ATP6V0D1: variants seen among roughly 807,000 people sequenced by gnomAD.
ATP6V0D1 encodes the protein V-type proton ATPase subunit d 1.
ATP6V0D1 carries 13 observed loss-of-function variants against 39.0 expected under a neutral mutation model. The ratio of observed to expected loss-of-function variants is 0.33; its 90% CI spans 0.22 to 0.53. The LOEUF is 0.53. Ranked by LOEUF, ATP6V0D1 falls within the 20% of genes least tolerant of loss-of-function variation. ATP6V0D1 has a pLI of 0.94. For missense variants in ATP6V0D1, 272 were observed against 470.9 expected (o/e 0.58, Z 3.91); for synonymous variants, 191 against 191.2 (o/e 1.00, Z 0.01).
chr16:67,477,025 TAAA>T (rs199765066), intron 1 of ATP6V0D1, among the ~76,000 whole-genome samples: 2 of 40,224 alleles, frequency 5.0e-5, no homozygotes, highest in African/African-American at 7.2e-5. Context: ...TGTCTCAAAT[TAAA>T]AAAAAAAAAA....
intron 1 of ATP6V0D1, among the ~76,000 whole-genome samples, chr16:67,467,333 C>T (rs1011716417): frequency 1.3e-5 from 2 of 152,118 alleles, no homozygotes; most frequent in Admixed American, 6.5e-5. Flanking sequence ...CGTGAAACCC[C>T]GTCTCTACTA....
At position 67,438,957 on chromosome 16, in the gene ATP6V0D1, G is replaced by A; in HGVS notation, c.816+14C>T. 1 of 1,613,520 alleles carries A rather than the reference G, an allele frequency of 6.2e-7. No individual in the cohort carries two copies. The highest frequency in any genetic ancestry group is 1.1e-5 in the South Asian group (1 of 91,084). ...AACACATCCAACCGCTGTCCTGCCA[G>A]CCGGGGCACTCACCGGGTAGTAATC... On this transcript the variant is annotated intron_variant, in intron 6 of 7. Coordinates refer to ENST00000290949, the MANE Select transcript of ATP6V0D1 (RefSeq NM_004691.5).
chr16:67,442,269 T>C (rs1291493544), intron 4 of ATP6V0D1, among the ~76,000 whole-genome samples: 5 of 152,158 alleles, frequency 3.3e-5, no homozygotes, highest in Admixed American at 1.3e-4. Context: ...TCTCACCCAA[T>C]AGACAGGTGA....
At chr16:67,472,985 T>C (rs2041386196) in intron 1 of ATP6V0D1, among the ~76,000 whole-genome samples, 1 of 152,202 alleles carries the variant, frequency 6.6e-6, no homozygotes, top group Admixed American at 6.5e-5. Flanking sequence ...TTTTTTACCA[T>C]AACTTTCATC....
intron 2 of ATP6V0D1, among the ~76,000 whole-genome samples, chr16:67,445,225 G>A (rs1597570057): frequency 6.6e-6 from 1 of 152,198 alleles, no homozygotes; most frequent in Non-Finnish European, 1.5e-5. Context: ...GAAAGGCGCA[G>A]CAGCCGGCAG....
chr16:67,453,518 A>G lies in ATP6V0D1; in HGVS notation c.302+26T>C. The G allele has an allele frequency of 1.2e-6, 2 of 1,612,244 alleles. No homozygotes were observed. Among genetic ancestry groups the G allele is most frequent in the South Asian group, 2.2e-5 (2 of 90,922 alleles). On this transcript the variant is annotated intron_variant, in intron 2 of 7. Transcript: ENST00000290949. The surrounding 1 kb of genome is among the most constrained non-coding windows in gnomAD (Gnocchi z 4.1). ...TGTAGCTATCCTGCCCAGGTAAGAGAAGAAGGCGCTACAAAGCACACTCAC... is the reference window on the plus strand; with the variant it reads ...TGTAGCTATCCTGCCCAGGTAAGAGGAGAAGGCGCTACAAAGCACACTCAC...
chr16:67,462,734 G>A (rs1162480325), intron 1 of ATP6V0D1, among the ~76,000 whole-genome samples: 1 of 152,058 alleles, frequency 6.6e-6, no homozygotes, highest in Non-Finnish European at 1.5e-5. Context: ...AGGCTAAGGT[G>A]GGAGGATGGC....
chr16:67,453,302 G>A lies in ATP6V0D1; in HGVS notation c.302+242C>T, dbSNP rs549698536. Among the ~76,000 whole-genome samples the A allele has an allele frequency of 3.3e-5, 5 of 152,332 alleles. No individual in the cohort carries two copies. The highest frequency in any genetic ancestry group is 1.9e-4 in the East Asian group (1 of 5,186). On this transcript the variant is annotated intron_variant, in intron 2 of 7. Transcript: ENST00000290949. The surrounding 1 kb of genome is among the most constrained non-coding windows in gnomAD (Gnocchi z 4.1). ...ATCATATCTTCAGCCAGTAGTGAAC[G>A]TGCTGGTGACCCATTTCATAGGTGG...
chr16:67,438,928 T>G, intron 6 of ATP6V0D1, 43 bp downstream of exon 6: 1 of 1,613,412 alleles, frequency 6.2e-7, no homozygotes, highest in Non-Finnish European at 8.5e-7. Context: ...GGGTGCTTGG[T>G]GACAACACAT....
chr16:67,442,757 G>A (rs948082586), intron 4 of ATP6V0D1, among the ~76,000 whole-genome samples: 1 of 152,210 alleles, frequency 6.6e-6, no homozygotes, highest in Non-Finnish European at 1.5e-5. Context: ...CAATAGCTTA[G>A]GTAGGGCGGT....
At chr16:67,466,335 A>G (rs2041329903) in intron 1 of ATP6V0D1, among the ~76,000 whole-genome samples, 1 of 116,680 alleles carries the variant, frequency 8.6e-6, no homozygotes, top group Non-Finnish European at 1.7e-5. Context: ...ATACACACAC[A>G]CACACACACA....
At chr16:67,467,485 C>A (rs1375277094) in intron 1 of ATP6V0D1, among the ~76,000 whole-genome samples, 1 of 151,576 alleles carries the variant, frequency 6.6e-6, no homozygotes, top group Non-Finnish European at 1.5e-5. Flanking sequence ...AGCCTGGCAA[C>A]AGAGTGAGAC....
chr16:67,459,375 C>G (rs1489476361), intron 1 of ATP6V0D1: 5 of 612,366 alleles, frequency 8.2e-6, no homozygotes, highest in Non-Finnish European at 8.2e-6. Flanking sequence ...CTGGCTCCAG[C>G]AGGGGCAGCT....
chr16:67,439,358 A>G lies in ATP6V0D1; in HGVS notation c.562-7T>C. On this transcript the variant is annotated splice_region_variant and splice_polypyrimidine_tract_variant and intron_variant, in intron 4 of 7. Coordinates refer to ENST00000290949, the MANE Select transcript of ATP6V0D1 (RefSeq NM_004691.5). Reference sequence around the variant, plus strand: ...AGAAGGACTCCAGGTAGGCCTGTAGAGAGTATGGAGCTTGCTCAGCACAGG... The same window carrying G: ...AGAAGGACTCCAGGTAGGCCTGTAGGGAGTATGGAGCTTGCTCAGCACAGG... 10 of 1,613,882 alleles carry G rather than the reference A, an allele frequency of 6.2e-6. No homozygotes were observed. The highest frequency in any genetic ancestry group is 8.5e-6 in the Non-Finnish European group (10 of 1,179,950).
chr16:67,443,992 A>C (rs1410435838), intron 3 of ATP6V0D1, among the ~76,000 whole-genome samples: 1 of 152,246 alleles, frequency 6.6e-6, no homozygotes, highest in East Asian at 1.9e-4. Flanking sequence ...GCACTGCCTA[A>C]GCAGGGCTCT....
chr16:67,478,374 A>G (rs945411057), intron 1 of ATP6V0D1, among the ~76,000 whole-genome samples: 32 of 152,264 alleles, frequency 2.1e-4, no homozygotes, highest in Non-Finnish European at 2.2e-4. Flanking sequence ...GTACTTTGGG[A>G]GGCCAAGGTG....
In ATP6V0D1 at chr16:67,481,101, C is replaced by T. The variant is rs1289210270; in HGVS notation, c.-15G>A. 4 of 1,613,520 alleles carry T rather than the reference C, an allele frequency of 2.5e-6. No individual in the cohort carries two copies. The highest frequency in any genetic ancestry group is 3.4e-6 in the Non-Finnish European group (4 of 1,179,614). On this transcript the variant is annotated 5_prime_UTR_variant, in exon 1 of 8. Transcript: ENST00000290949. The stretch of plus-strand genomic sequence containing the variant: ...AAGAACGACATGGCTGCTGCGGGAG[C>T]GGCGGGACCGGAGAACCAGGACCGG...
rs35261032 is a variant in ATP6V0D1 at position 67,480,940 on chromosome 16, T to C, written c.130+17A>G. The C allele has an allele frequency of 2.1e-3, 3,450 of 1,613,406 alleles. 68 individuals carry two copies. The African/African-American group carries it at 0.041, about 19-fold the overall frequency. ...CCCGGACAGCCTCTATCCCCGCCTTTCGCGGCCCCGGCTCACCCTCTAGCG... is the reference window on the plus strand; with the variant it reads ...CCCGGACAGCCTCTATCCCCGCCTTCCGCGGCCCCGGCTCACCCTCTAGCG... On this transcript the variant is annotated intron_variant, in intron 1 of 7. Transcript: ENST00000290949.
In ATP6V0D1 at chr16:67,444,580, A is replaced by G. The variant is rs1348125019; in HGVS notation, c.429T>C (p.Ile143=). ...GSFEQMEAVN[I]AQTPAELYNA... ...TGTAGAGCTCAGCAGGTGTCTGAGC[A>G]ATGTTCACGGCCTCCATCTGCTCGA... is the stretch of plus-strand genomic sequence containing the variant. The change falls in exon 3 of 8, where the codon ATT becomes ATC. Residue 143 remains isoleucine, a synonymous_variant. Transcript: ENST00000290949. This position sits in a 1 kb window ranked among gnomAD's most constrained non-coding sequence, Gnocchi z 4.8. The G allele has an allele frequency of 6.2e-7, 1 of 1,613,250 alleles. No homozygotes were observed. The highest frequency in any genetic ancestry group is 1.1e-5 in the South Asian group (1 of 91,042).
Sources: gnomAD v4.1 joint callset for allele counts (sites outside exome capture counted in the v4.1 genomes callset) on GRCh38, gnomAD v4.1.1 for gene constraint, Gnocchi (gnomAD v3.1) non-coding constraint, MANE v1.5 for transcripts, NCBI Gene and HGNC (gene_info 2026-07-23, HGNC 2026-07-21) for gene names.